Variants in ATP2B4 observed in about 807,000 individuals in gnomAD.
ATP2B4 encodes plasma membrane calcium-transporting ATPase 4.
In ATP2B4, 39 loss-of-function variants were observed where a neutral mutation model predicts 110.3. That is an observed-to-expected ratio of 0.35 (90% CI 0.27 to 0.46). The LOEUF is 0.46. Among genes scored for constraint, ATP2B4 ranks in the 20% least tolerant of loss-of-function variants. ATP2B4 has a pLI of 1.00. For missense variants in ATP2B4, 1,135 were observed against 1,530.9 expected (o/e 0.74, Z 4.32); for synonymous variants, 538 against 571.7 (o/e 0.94, Z 0.84).
At chr1:203,734,083 C>T (rs1666813876) in intron 20 of ATP2B4, among the ~76,000 whole-genome samples, 1 of 152,090 alleles carries the variant, frequency 6.6e-6, no homozygotes, top group Admixed American at 6.6e-5. Context: ...AAGCAGATCA[C>T]GAGGTCAGGA....
At chr1:203,655,593 C>T (rs905994866) in intron 1 of ATP2B4, among the ~76,000 whole-genome samples, 2 of 151,922 alleles carry the variant, frequency 1.3e-5, no homozygotes, top group African/African-American at 2.4e-5. Context: ...TTGCAGTGAG[C>T]TCAGATCATG....
At chr1:203,732,984 G>C (rs558382160) in intron 20 of ATP2B4, among the ~76,000 whole-genome samples, 10 of 152,152 alleles carry the variant, frequency 6.6e-5, no homozygotes, top group Non-Finnish European at 1.2e-4. Flanking sequence ...CTGGCTGGGC[G>C]TTGGGACTCC....
intron 1 of ATP2B4, among the ~76,000 whole-genome samples, chr1:203,640,048 G>A (rs1476069852): frequency 4.6e-5 from 7 of 152,076 alleles, no homozygotes; most frequent in African/African-American, 1.4e-4. Context: ...GTATAATATC[G>A]CCTTTCATTA....
intron 1 of ATP2B4, among the ~76,000 whole-genome samples, chr1:203,670,588 T>G (rs1321154658): frequency 2.0e-5 from 3 of 152,242 alleles, no homozygotes; most frequent in Admixed American, 2.0e-4. Context: ...TATACCTTTT[T>G]CATCTGTGGA....
chr1:203,664,924 CG>C (rs1308173512), intron 1 of ATP2B4, among the ~76,000 whole-genome samples: 1 of 152,082 alleles, frequency 6.6e-6, no homozygotes, highest in Non-Finnish European at 1.5e-5. Flanking sequence ...CTCCGCCTCC[CG>C]GGTTCACGCC....
At chr1:203,687,546 C>G (rs1258560130) in intron 2 of ATP2B4, among the ~76,000 whole-genome samples, 2 of 152,220 alleles carry the variant, frequency 1.3e-5, no homozygotes, top group Admixed American at 6.5e-5. Flanking sequence ...TTGAATTCTG[C>G]TAGCTGGAAA....
chr1:203,631,868 C>T (rs1663280012), intron 1 of ATP2B4, among the ~76,000 whole-genome samples: 1 of 152,148 alleles, frequency 6.6e-6, no homozygotes, highest in Non-Finnish European at 1.5e-5. Flanking sequence ...GATCTCAGCT[C>T]ACTGTAAGCT....
At chr1:203,737,312 G>A (rs1168313510) in intron 20 of ATP2B4, among the ~76,000 whole-genome samples, 1 of 152,206 alleles carries the variant, frequency 6.6e-6, no homozygotes, top group Non-Finnish European at 1.5e-5. Flanking sequence ...TGAAGATGAT[G>A]TACTGGCGGA....
intron 10 of ATP2B4, among the ~76,000 whole-genome samples, chr1:203,708,359 A>G (rs1665910268): frequency 6.6e-6 from 1 of 152,160 alleles, no homozygotes; most frequent in African/African-American, 2.4e-5. Context: ...CAATGTCTCT[A>G]AGGAGGGAAA....
chr1:203,702,075 C>T lies in ATP2B4; in HGVS notation c.933C>T (p.Asn311=). 6.2e-7 allele frequency: 1 copy of T among 1,614,098 alleles called. No homozygotes were observed. The highest frequency in any genetic ancestry group is 8.5e-7 in the Non-Finnish European group (1 of 1,179,998). The change falls in exon 7 of 21, where the codon AAC becomes AAT. Residue 311 remains asparagine, a synonymous_variant. Coordinates refer to ENST00000357681, the MANE Select transcript of ATP2B4 (RefSeq NM_001684.5). ...AACAAGGAGTCCCTGAAAATCGCAA[C>T]AAAGGTAACCTCTCCAACTACTCAT... is the stretch of plus-strand genomic sequence containing the variant. ...GKKQGVPENR[N]KAKTQDGVAL...
At chr1:203,709,996 C>T (rs988992558) in intron 11 of ATP2B4, among the ~76,000 whole-genome samples, 3 of 152,194 alleles carry the variant, frequency 2.0e-5, no homozygotes, top group African/African-American at 4.8e-5. Flanking sequence ...GTACTAGAAA[C>T]GTTTGTTCTG....
chr1:203,699,102 C>T (rs1003297802), intron 3 of ATP2B4, among the ~76,000 whole-genome samples: 1 of 152,170 alleles, frequency 6.6e-6, no homozygotes, highest in African/African-American at 2.4e-5. Flanking sequence ...ATCCAACCAA[C>T]AAAACCCTAC....
intron 8 of ATP2B4, among the ~76,000 whole-genome samples, chr1:203,705,104 T>G (rs996974827): frequency 1.3e-5 from 2 of 152,208 alleles, no homozygotes; most frequent in Admixed American, 6.5e-5. Context: ...ATCCAGTTGC[T>G]GGGGTAAATT....
rs752111753 is a variant in ATP2B4 at position 203,720,535 on chromosome 1, C to G, written c.2407-14C>G. ...ATCCACTCCCTCACTGTTTTCCCTC[C>G]CATCTTACCTCAGGGCATCGCAGGC... is the stretch of plus-strand genomic sequence containing the variant. On this transcript the variant is annotated splice_polypyrimidine_tract_variant and intron_variant, in intron 15 of 20. Coordinates refer to ENST00000357681, the MANE Select transcript of ATP2B4 (RefSeq NM_001684.5). 1 of 1,586,574 alleles carries G rather than the reference C, an allele frequency of 6.3e-7. No homozygotes were observed. Among genetic ancestry groups the G allele is most frequent in the Non-Finnish European group, 8.6e-7 (1 of 1,166,020 alleles).
intron 1 of ATP2B4, among the ~76,000 whole-genome samples, chr1:203,655,231 T>A (rs951054558): frequency 1.3e-5 from 2 of 152,210 alleles, no homozygotes; most frequent in Non-Finnish European, 2.9e-5. Context: ...ACAAAGGATT[T>A]AGAATATTAC....
intron 1 of ATP2B4, among the ~76,000 whole-genome samples, chr1:203,644,325 A>G (rs1478019549): frequency 6.6e-6 from 1 of 151,888 alleles, no homozygotes; most frequent in East Asian, 1.9e-4. Flanking sequence ...TCTCTAAACA[A>G]ACAGACCACA....
intron 14 of ATP2B4, 101 bp downstream of exon 14, chr1:203,713,353 G>T (rs1666067357): frequency 5.5e-6 from 7 of 1,262,212 alleles, no homozygotes; most frequent in Non-Finnish European, 8.0e-6. Flanking sequence ...GTCCAAATAG[G>T]GAGGTCCTAG....
chr1:203,637,150 G>A (rs1041995400), intron 1 of ATP2B4, among the ~76,000 whole-genome samples: 1 of 152,146 alleles, frequency 6.6e-6, no homozygotes, highest in South Asian at 2.1e-4. Context: ...GCCAATATAC[G>A]GCTGGGTGCG....
chr1:203,703,896 C>A, intron 8 of ATP2B4, 83 bp downstream of exon 8: 1 of 1,472,892 alleles, frequency 6.8e-7, no homozygotes, highest in South Asian at 1.4e-5. Context: ...CTGCACCGAC[C>A]GAGACTGGCA....
Sources: allele counts gnomAD v4.1 joint callset (sites outside exome capture counted in the v4.1 genomes callset), GRCh38; gene constraint gnomAD v4.1.1; transcripts MANE v1.5; gene names NCBI Gene and HGNC (gene_info 2026-07-23, HGNC 2026-07-21).